MYOZ1: variants seen among roughly 807,000 people sequenced by gnomAD.
MYOZ1 encodes the protein myozenin-1.
In MYOZ1, 20 loss-of-function variants were observed where a neutral mutation model predicts 28.7. The observed-to-expected ratio is 0.70, with a 90% CI of 0.49 to 1.01. The LOEUF (loss-of-function observed/expected upper bound fraction) is 1.01, where lower values mean the gene tolerates loss of function less well. Among genes scored for constraint, MYOZ1 ranks in the 50% least tolerant of loss-of-function variants. The probability of loss-of-function intolerance (pLI) is 0.00; values close to 1 mark genes in which losing one functional copy is unlikely to be tolerated. For synonymous variants in MYOZ1, 144 were observed against 145.8 expected, an observed-to-expected ratio of 0.99 and a Z score of 0.09; for missense variants, 371 against 372.4, an observed-to-expected ratio of 1.00 and a Z score of 0.03.
Position 73,634,475 on chromosome 10 carries a change from T to G in MYOZ1, c.502+9A>C. On this transcript the variant is annotated intron_variant, in intron 4 of 5. Transcript: ENST00000359322. The stretch of plus-strand genomic sequence containing the variant: ...ACCAAACACATTACTCTTGGGTGAG[T>G]GTACTTGCCTGATCCTGTCTCACCA... 1 of 1,613,644 alleles carries G rather than the reference T, an allele frequency of 6.2e-7. No individual in the cohort carries two copies. Among genetic ancestry groups the G allele is most frequent in the Non-Finnish European group, 8.5e-7 (1 of 1,179,872 alleles).
At chr10:73,638,225 A>G (rs1182868854) in intron 2 of MYOZ1, among the ~76,000 whole-genome samples, 4 of 151,922 alleles carry the variant, frequency 2.6e-5, no homozygotes, top group African/African-American at 9.7e-5. Flanking sequence ...GATGGAGGCC[A>G]TTGGAGAAAC....
At chr10:73,633,628 C>T (rs1419743170) in intron 5 of MYOZ1, among the ~76,000 whole-genome samples, 1 of 152,148 alleles carries the variant, frequency 6.6e-6, no homozygotes, top group Non-Finnish European at 1.5e-5. Context: ...AACCCAGGCT[C>T]AGAGGTAGAG....
At chr10:73,640,129 G>T in intron 1 of MYOZ1, 94 bp from the exon 2 acceptor site, 1 of 1,050,322 alleles carries the variant, frequency 9.5e-7, no homozygotes. Flanking sequence ...CTGGGTTTAA[G>T]GGCTTGAGGG....
intron 2 of MYOZ1, among the ~76,000 whole-genome samples, chr10:73,638,309 ATATATT>A (rs1303211220): frequency 6.6e-6 from 1 of 150,462 alleles, no homozygotes; most frequent in African/African-American, 2.5e-5. Flanking sequence ...ATATATATAT[ATATATT>A]TGTTTTTATT....
chr10:73,633,615 A>C (rs181523376), intron 5 of MYOZ1, among the ~76,000 whole-genome samples: 45 of 152,292 alleles, frequency 3.0e-4, no homozygotes, highest in African/African-American at 1.0e-3. Context: ...TAACGTTCAA[A>C]GCAACCCAGG....
At chr10:73,638,070 G>C (rs1338426267) in intron 2 of MYOZ1, 148 bp from the exon 3 acceptor site, 1 of 727,560 alleles carries the variant, frequency 1.4e-6, no homozygotes, top group Non-Finnish European at 2.3e-6. Context: ...GTTTGTGAGG[G>C]ATTTTGATTT....
chr10:73,634,765 G>C, intron 3 of MYOZ1, 32 bp from the exon 4 acceptor site: 1 of 1,602,406 alleles, frequency 6.2e-7, no homozygotes, highest in South Asian at 1.1e-5. Context: ...GGGAAGGTTA[G>C]CAATGGGTAT....
intron 3 of MYOZ1, 42 bp from the exon 4 acceptor site, chr10:73,634,775 T>C (rs2081657234): frequency 1.9e-6 from 3 of 1,593,202 alleles, no homozygotes; most frequent in South Asian, 1.1e-5. Context: ...GCAATGGGTA[T>C]GGAAAATATA....
chr10:73,634,558 C>A lies in MYOZ1; in HGVS notation c.428G>T (p.Gly143Val), dbSNP rs1189556429. The A allele has an allele frequency of 3.7e-6, 6 of 1,614,104 alleles. No individual in the cohort carries two copies. The South Asian group carries it at 4.4e-5, about 12-fold the overall frequency. The change falls in exon 4 of 6, where the codon GGT becomes GTT. Residue 143 changes from glycine to valine, a missense_variant. Transcript: ENST00000359322. ...AGCCTGGCCCGCGGGACCACCTGTA[C>A]CCCCAGCTCCAGACCCAGAGCCCAG... ...HHLGSGSGAG[G>V]TGGPAGQAGR... is the part of the protein sequence containing the mutation.
chr10:73,635,499 A>G (rs1564984045), intron 3 of MYOZ1, among the ~76,000 whole-genome samples: 1 of 151,744 alleles, frequency 6.6e-6, no homozygotes, highest in Non-Finnish European at 1.5e-5. Flanking sequence ...CTCCCACCTC[A>G]GCCTCTCAAG....
intron 2 of MYOZ1, among the ~76,000 whole-genome samples, chr10:73,638,936 GATTACAGGCATGAGCC>G (rs2081686516): frequency 6.8e-6 from 1 of 147,724 alleles, no homozygotes; most frequent in Non-Finnish European, 1.5e-5. Flanking sequence ...AAAGTGCTGG[GATTACAGGCATGAGCC>G]ACCACGCCTG....
chr10:73,634,168 C>T, intron 4 of MYOZ1, 103 bp from the exon 5 acceptor site: 1 of 1,304,116 alleles, frequency 7.7e-7, no homozygotes, highest in East Asian at 2.4e-5. Flanking sequence ...GAGCCAGGGA[C>T]TAAAGATATA....
intron 3 of MYOZ1, among the ~76,000 whole-genome samples, chr10:73,637,395 T>G (rs1205501995): frequency 1.3e-5 from 2 of 152,194 alleles, no homozygotes; most frequent in Non-Finnish European, 2.9e-5. Flanking sequence ...CACTAAAAAA[T>G]TATTCATTGT....
At position 73,640,023 on chromosome 10, in the gene MYOZ1, A is replaced by C; in HGVS notation, c.-6T>G. On this transcript the variant is annotated 5_prime_UTR_variant, in exon 2 of 6. Coordinates refer to ENST00000359322, the MANE Select transcript of MYOZ1 (RefSeq NM_021245.4). ...GGGGTTCCTGAGAGCGGCATTGTGGAGGTGGATTCAGCCTGGACAGGGTGG... is the reference window on the plus strand; with the variant it reads ...GGGGTTCCTGAGAGCGGCATTGTGGCGGTGGATTCAGCCTGGACAGGGTGG... 1 of 1,613,690 alleles carries C rather than the reference A, an allele frequency of 6.2e-7. No individual in the cohort carries two copies. The highest frequency in any genetic ancestry group is 8.5e-7 in the Non-Finnish European group (1 of 1,179,876).
chr10:73,634,776 G>A (rs926025564), intron 3 of MYOZ1, 43 bp from the exon 4 acceptor site: 1 of 1,592,108 alleles, frequency 6.3e-7, no homozygotes, highest in East Asian at 2.2e-5. Context: ...CAATGGGTAT[G>A]GAAAATATAC....
chr10:73,640,019 G>T lies in MYOZ1; in HGVS notation c.-2C>A, dbSNP rs746892376. 2 of 1,613,772 alleles carry T rather than the reference G, an allele frequency of 1.2e-6. No individual in the cohort carries two copies. Among genetic ancestry groups the T allele is most frequent in the African/African-American group, 2.7e-5 (2 of 74,916 alleles). On this transcript the variant is annotated 5_prime_UTR_variant, in exon 2 of 6. Coordinates refer to ENST00000359322, the MANE Select transcript of MYOZ1 (RefSeq NM_021245.4). ...GGCCGGGGTTCCTGAGAGCGGCATT[G>T]TGGAGGTGGATTCAGCCTGGACAGG...
intron 1 of MYOZ1, among the ~76,000 whole-genome samples, chr10:73,641,028 CAT>C (rs1283084245): frequency 4.6e-5 from 7 of 152,118 alleles, no homozygotes; most frequent in African/African-American, 1.4e-4. Flanking sequence ...GGGGCAGAAA[CAT>C]AGTAATAGGA....
At chr10:73,632,195 A>C (rs757949747) in intron 5 of MYOZ1, 34 bp from the exon 6 acceptor site, 2 of 1,576,070 alleles carry the variant, frequency 1.3e-6, no homozygotes, top group Non-Finnish European at 8.7e-7. Context: ...ATTAAGAATC[A>C]GAATAAAAGA....
chr10:73,640,489 C>G (rs1039216853), intron 1 of MYOZ1, among the ~76,000 whole-genome samples: 1 of 152,112 alleles, frequency 6.6e-6, no homozygotes, highest in African/African-American at 2.4e-5. Context: ...TGAAAACTTG[C>G]GCTTTAGGGC....
Sources: allele counts gnomAD v4.1 joint callset (sites outside exome capture counted in the v4.1 genomes callset), GRCh38; gene constraint gnomAD v4.1.1; transcripts MANE v1.5; gene names NCBI Gene and HGNC (gene_info 2026-07-23, HGNC 2026-07-21).